Variants in DCN observed in about 807,000 individuals in gnomAD.
DCN encodes decorin, also known as bone proteoglycan II.
A neutral mutation model predicts 36.5 loss-of-function variants in DCN; 17 were observed. The ratio of observed to expected loss-of-function variants is 0.47; its 90% CI spans 0.32 to 0.70. The LOEUF (loss-of-function observed/expected upper bound fraction) is 0.70, where lower values mean the gene tolerates loss of function less well. DCN is among the 30% of genes least tolerant of loss of function. The pLI, the probability that DCN is intolerant of heterozygous loss-of-function variation, is 0.04. For missense variants in DCN, 389 were observed against 430.1 expected (o/e 0.90, Z 0.84); for synonymous variants, 163 against 161.4 (o/e 1.01, Z -0.07).
At chr12:91,153,245 T>C in intron 5 of DCN, 56 bp from the exon 6 acceptor site, 1 of 989,018 alleles carries the variant, frequency 1.0e-6, no homozygotes, top group Non-Finnish European at 1.6e-6. Flanking sequence ...AAGTACAGAA[T>C]GTGGACAAAC....
Position 91,158,463 on chromosome 12 carries a change from G to A in DCN, c.371C>T (p.Ala124Val), listed in dbSNP as rs755987970. The change falls in exon 4 of 8, where the codon GCA (alanine) becomes GTA (valine). Residue 124 changes from alanine to valine, a missense_variant. Physicochemically the swap from Ala to Val is moderately conservative, Grantham distance 64. Transcript: ENST00000052754. ...TTCCAACTTCACCAAAGGTGTAAATGCTCCAGGACTAACTTTGCTAATTTT... is the reference window on the plus strand; with the variant it reads ...TTCCAACTTCACCAAAGGTGTAAATACTCCAGGACTAACTTTGCTAATTTT... ...NNKISKVSPG[A>V]FTPLVKLERL... 2.6e-5 allele frequency: 41 copies of A among 1,607,050 alleles called. No individual in the cohort carries two copies. Among genetic ancestry groups the A allele is most frequent in the Non-Finnish European group, 3.1e-5 (36 of 1,173,638 alleles).
rs963587451 is a variant in DCN, at chr12:91,141,293, G to T, written c.*4765C>A. On this transcript the variant is annotated 3_prime_UTR_variant, in exon 8 of 8. Transcript: ENST00000052754. ...TTCTTGCTCACTTTACTCTGCTCAC[G>T]TTTGTCCTCTCTGCTCTTGTTGGAA... is the stretch of plus-strand genomic sequence containing the variant. 6.6e-6 allele frequency: 1 copy of T among 152,142 alleles called. No individual in the cohort carries two copies. The highest frequency in any genetic ancestry group is 2.4e-5 in the African/African-American group (1 of 41,410). The allele number at this position is 152,142 out of a possible 1,614,324, so 9.4% of individuals were successfully genotyped here. A position where few individuals can be genotyped will look rare whatever the true frequency, so the allele number is the denominator to read the frequency against.
chr12:91,163,844 G>A (rs889374623), intron 3 of DCN, among the ~76,000 whole-genome samples: 30 of 152,002 alleles, frequency 2.0e-4, no homozygotes, highest in African/African-American at 6.5e-4. Context: ...CTTAGAAAAT[G>A]CATGAAAACA....
intron 3 of DCN, 118 bp downstream of exon 3, chr12:91,164,487 T>G: frequency 2.0e-6 from 1 of 499,628 alleles, no homozygotes; most frequent in South Asian, 3.4e-5. Flanking sequence ...AAGGTGAAGT[T>G]AATAAACACT....
intron 5 of DCN, among the ~76,000 whole-genome samples, chr12:91,155,430 G>GAGGA (rs1330403042): frequency 1.3e-5 from 2 of 152,116 alleles, no homozygotes; most frequent in Admixed American, 1.3e-4. Flanking sequence ...TATAAATGAT[G>GAGGA]AGGAAAGAAT....
At chr12:91,178,203 C>T in intron 2 of DCN, 139 bp downstream of exon 2, 1 of 755,754 alleles carries the variant, frequency 1.3e-6, no homozygotes, top group Non-Finnish European at 2.3e-6. Context: ...CTATCCTGTT[C>T]TGCTTCCTTT....
At chr12:91,164,745 G>A in intron 2 of DCN, 28 bp from the exon 3 acceptor site, 1 of 1,159,976 alleles carries the variant, frequency 8.6e-7, no homozygotes, top group Non-Finnish European at 1.3e-6. Flanking sequence ...GGAGTGTGCT[G>A]TGAGTAGAAA....
intron 3 of DCN, among the ~76,000 whole-genome samples, chr12:91,160,801 A>C (rs189999763): frequency 1.3e-5 from 2 of 152,174 alleles, no homozygotes; most frequent in African/African-American, 2.4e-5. Context: ...TTAAGCTTCA[A>C]TTCAAAGAAA....
intron 7 of DCN, chr12:91,150,704 C>A (rs1277877621): frequency 6.6e-6 from 1 of 152,080 alleles, no homozygotes; most frequent in Non-Finnish European, 1.5e-5. Flanking sequence ...GGATGTAGAA[C>A]CAGAAATACC....
At chr12:91,147,122 C>CA (rs1697434273) in intron 7 of DCN, among the ~76,000 whole-genome samples, 1 of 152,144 alleles carries the variant, frequency 6.6e-6, no homozygotes. Context: ...CTAAAGTTCT[C>CA]AAAGGGGCCT....
rs766851236 is a variant in DCN at position 91,177,719 on chromosome 12, T to C, written c.211+623A>G. The C allele has an allele frequency of 4.3e-5, 30 of 695,958 alleles. No individual in the cohort carries two copies. The African/African-American group carries it at 4.7e-4, about 11-fold the overall frequency. The allele number at this position is 695,958 out of a possible 1,614,324, so 43.1% of individuals were successfully genotyped here. A position where few individuals can be genotyped will look rare whatever the true frequency, so the allele number is the denominator to read the frequency against. On this transcript the variant is annotated intron_variant, in intron 2 of 7. Coordinates refer to ENST00000052754, the MANE Select transcript of DCN (RefSeq NM_001920.5). ...GAATATTTACACCATACCTTAGTGATAAATATTTCCTTTGAAACTTTCTAA... is the reference window on the plus strand; with the variant it reads ...GAATATTTACACCATACCTTAGTGACAAATATTTCCTTTGAAACTTTCTAA...
At chr12:91,151,230 A>C (rs182411138) in intron 7 of DCN, 2 of 200,748 alleles carry the variant, frequency 1.0e-5, no homozygotes, top group African/African-American at 4.8e-5. Flanking sequence ...AAAAATGATG[A>C]GGCCATGTCA....
chr12:91,177,224 G>C (rs1883348148), intron 2 of DCN: 1 of 245,384 alleles, frequency 4.1e-6, no homozygotes, highest in African/African-American at 2.3e-5. Flanking sequence ...TATATGTGTT[G>C]AAGAAGCTAT....
At chr12:91,181,138 G>T (rs1868381426) in intron 1 of DCN, among the ~76,000 whole-genome samples, 1 of 147,600 alleles carries the variant, frequency 6.8e-6, no homozygotes, top group African/African-American at 2.6e-5. Context: ...TTGCTCGTGT[G>T]TGTGTGTGTG....
chr12:91,155,050 A>G (rs369422255), intron 5 of DCN, among the ~76,000 whole-genome samples: 1 of 152,136 alleles, frequency 6.6e-6, no homozygotes, highest in Non-Finnish European at 1.5e-5. Flanking sequence ...GCTGATATTC[A>G]GGCATAGGTA....
chr12:91,148,089 T>TTC (rs1555191609), intron 7 of DCN, among the ~76,000 whole-genome samples: 3 of 148,470 alleles, frequency 2.0e-5, no homozygotes, highest in Non-Finnish European at 4.5e-5. Flanking sequence ...TTTTTTTTTT[T>TTC]CTGAGACGGA....
chr12:91,162,009 C>T (rs900876360), intron 3 of DCN, among the ~76,000 whole-genome samples: 3 of 150,744 alleles, frequency 2.0e-5, no homozygotes, highest in Non-Finnish European at 3.0e-5. Context: ...GGCGTGATCT[C>T]GACTCACTGC....
chr12:91,149,195 C>T (rs999791386), intron 7 of DCN, among the ~76,000 whole-genome samples: 3 of 152,042 alleles, frequency 2.0e-5, no homozygotes, highest in African/African-American at 7.2e-5. Context: ...AAATCTTTCA[C>T]AAAATGTTAG....
At position 91,143,562 on chromosome 12, in the gene DCN, T is replaced by G. The variant is rs1321331698; in HGVS notation, c.*2496A>C. 1 of 152,150 alleles carries G rather than the reference T, an allele frequency of 6.6e-6. No individual in the cohort carries two copies. The highest frequency in any genetic ancestry group is 1.5e-5 in the Non-Finnish European group (1 of 68,036). 9.4% of individuals were successfully genotyped at this position (152,150 alleles called of 1,614,324 possible). A position where few individuals can be genotyped will look rare whatever the true frequency, so the allele number is the denominator to read the frequency against. ...AATAACAATGGCAGTAGCAACACCA[T>G]AGTTGAGCCCTTTCCATTTACTCTA... On this transcript the variant is annotated 3_prime_UTR_variant, in exon 8 of 8. Coordinates refer to ENST00000052754, the MANE Select transcript of DCN (RefSeq NM_001920.5).
Sources: allele counts gnomAD v4.1 joint callset (sites outside exome capture counted in the v4.1 genomes callset), GRCh38; gene constraint gnomAD v4.1.1; transcripts MANE v1.5; gene names NCBI Gene and HGNC (gene_info 2026-07-23, HGNC 2026-07-21).